The following CFAP97D1 variants were observed in gnomAD, a reference collection of about 807,000 sequenced individuals.
The protein encoded by CFAP97D1 is CFAP97 domain containing 1.
A neutral mutation model predicts 20.5 loss-of-function variants in CFAP97D1; 15 were observed. The ratio of observed to expected loss-of-function variants is 0.73; its 90% CI spans 0.49 to 1.13. CFAP97D1 has a LOEUF of 1.13. Ranked by LOEUF, CFAP97D1 falls within the 50% of genes most tolerant of loss-of-function variation. The pLI, the probability that CFAP97D1 is intolerant of heterozygous loss-of-function variation, is 0.00. For missense variants in CFAP97D1, 168 were observed against 202.9 expected (o/e 0.83, Z 1.04); for synonymous variants, 58 against 71.2 (o/e 0.82, Z 0.93).
At chr17:43,783,354 G>A in intron 4 of CFAP97D1, 51 bp downstream of exon 4, 1 of 1,548,786 alleles carries the variant, frequency 6.5e-7, no homozygotes, top group Non-Finnish European at 8.7e-7. Flanking sequence ...GTTTGTCGGT[G>A]TTCAGCCTAG....
Position 43,786,304 on chromosome 17 carries a change from T to A in CFAP97D1, c.*1922T>A, listed in dbSNP as rs769930241. On this transcript the variant is annotated 3_prime_UTR_variant, in exon 6 of 6. Coordinates refer to ENST00000449302, the MANE Select transcript of CFAP97D1 (RefSeq NM_001136483.3). ...CACTCACAGACACACCCAAAAATAA[T>A]GCTTTACCAGGTTTCTATTCAGTCA... is the stretch of plus-strand genomic sequence containing the variant. The A allele has an allele frequency of 6.6e-6, 1 of 152,210 alleles. No homozygotes were observed. The allele number at this position is 152,210 out of a possible 1,614,324, so 9.4% of individuals were successfully genotyped here.
Position 43,784,452 on chromosome 17 carries a change from TC to T in CFAP97D1, c.*73del. 2 of 152,372 alleles carry T rather than the reference TC, an allele frequency of 1.3e-5. No individual in the cohort carries two copies. The highest frequency in any genetic ancestry group is 4.1e-4 in the South Asian group (2 of 4,828). 9.4% of individuals were successfully genotyped at this position (152,372 alleles called of 1,614,324 possible). Reference sequence around the variant, plus strand: ...TTGGCTGCTCAGGATCTCAAGACACTCCCGACTGGCTGAATGCTCCATCTTC... The same window carrying T: ...TTGGCTGCTCAGGATCTCAAGACACTCCGACTGGCTGAATGCTCCATCTTC... On this transcript the variant is annotated 3_prime_UTR_variant, in exon 6 of 6. Coordinates refer to ENST00000449302, the MANE Select transcript of CFAP97D1 (RefSeq NM_001136483.3).
intron 3 of CFAP97D1, chr17:43,782,977 T>C: frequency 1.7e-6 from 1 of 594,934 alleles, no homozygotes; most frequent in South Asian, 2.0e-5. Context: ...TGAGGACCAC[T>C]GATATAAACC....
rs189051336 is a variant in CFAP97D1 at position 43,787,456 on chromosome 17, C to T, written c.*3074C>T. On this transcript the variant is annotated 3_prime_UTR_variant, in exon 6 of 6. Coordinates refer to ENST00000449302, the MANE Select transcript of CFAP97D1 (RefSeq NM_001136483.3). ...TATCAATGATGAAACTGTTCTATAT[C>T]TTGACTCTATCAATGTCAATATCCT... 6.6e-6 allele frequency: 1 copy of T among 152,186 alleles called. No individual in the cohort carries two copies. The highest frequency in any genetic ancestry group is 2.4e-5 in the African/African-American group (1 of 41,508). The allele number at this position is 152,186 out of a possible 1,614,324, so 9.4% of individuals were successfully genotyped here.
rs112634663 is a variant in CFAP97D1 at position 43,785,002 on chromosome 17, G to GGAGAGAGAGA, written c.*634_*643dup. 3.4e-5 allele frequency: 5 copies of GGAGAGAGAGA among 146,528 alleles called. No homozygotes were observed. Among genetic ancestry groups the GGAGAGAGAGA allele is most frequent in the Non-Finnish European group, 7.5e-5 (5 of 66,458 alleles). The allele number at this position is 146,528 out of a possible 1,614,324, so 9.1% of individuals were successfully genotyped here. On this transcript the variant is annotated 3_prime_UTR_variant, in exon 6 of 6. Coordinates refer to ENST00000449302, the MANE Select transcript of CFAP97D1 (RefSeq NM_001136483.3). ...ATTTGCCAAAGAGACAGACTCAATA[G>GGAGAGAGAGA]GAGAGAGAGAGAGAGAGAGAGAGTG... is the stretch of plus-strand genomic sequence containing the variant.
intron 3 of CFAP97D1, 103 bp from the exon 4 acceptor site, chr17:43,783,077 G>A: frequency 1.4e-6 from 2 of 1,434,996 alleles, no homozygotes; most frequent in Non-Finnish European, 1.9e-6. Context: ...TTTACTCCCT[G>A]CACTTAGACA....
At chr17:43,783,814 T>A (rs1490373973) in intron 4 of CFAP97D1, 23 bp from the exon 5 acceptor site, 1 of 1,542,390 alleles carries the variant, frequency 6.5e-7, no homozygotes, top group Admixed American at 2.0e-5. Flanking sequence ...GGCATTGACA[T>A]AAACCAATTT....
intron 3 of CFAP97D1, 154 bp from the exon 4 acceptor site, chr17:43,783,026 C>T (rs1486083382): frequency 9.4e-6 from 8 of 852,088 alleles, no homozygotes; most frequent in Non-Finnish European, 1.5e-5. Context: ...GCAGTGCAGA[C>T]CAACAGGCTG....
At chr17:43,781,956 G>T in intron 3 of CFAP97D1, 64 bp downstream of exon 3, 2 of 1,137,734 alleles carry the variant, frequency 1.8e-6, no homozygotes, top group East Asian at 5.1e-5. Flanking sequence ...TTGGGTTTTA[G>T]TGTGAGGTTT....
chr17:43,783,272 A>G lies in CFAP97D1; in HGVS notation c.407A>G (p.Tyr136Cys), dbSNP rs1327208174. The G allele has an allele frequency of 6.4e-7, 1 of 1,551,350 alleles. No homozygotes were observed. Among genetic ancestry groups the G allele is most frequent in the East Asian group, 2.4e-5 (1 of 40,916 alleles). Reference protein sequence around the residue: ...LKRLVDRKPHYDRRASEIDWQ... With the variant: ...LKRLVDRKPHCDRRASEIDWQ... The stretch of plus-strand genomic sequence containing the variant: ...AGGCTTGTTGATCGCAAACCCCACT[A>G]TGACCGCAGGGCATCTGAGATAGAC... The change falls in exon 4 of 6, where the codon TAT becomes TGT. Residue 136 changes from tyrosine (Y) to cysteine (C), a missense_variant. Tyr to Cys is a radical substitution (Grantham distance 194). Transcript: ENST00000449302.
At chr17:43,781,625 G>T (rs904592553) in intron 2 of CFAP97D1, 149 bp from the exon 3 acceptor site, 2 of 639,604 alleles carry the variant, frequency 3.1e-6, no homozygotes, top group Non-Finnish European at 5.5e-6. Context: ...GTGCCCGGCC[G>T]CCCAGTCTTT....
chr17:43,786,841 C>T lies in CFAP97D1; in HGVS notation c.*2459C>T, dbSNP rs2044295608. ...TCAGGATAATTTCCTTGATGTTCAT[C>T]CAAGTTGTGTGTGCCTTTTTATTGC... On this transcript the variant is annotated 3_prime_UTR_variant, in exon 6 of 6. Coordinates refer to ENST00000449302, the MANE Select transcript of CFAP97D1 (RefSeq NM_001136483.3). The T allele has an allele frequency of 6.6e-6, 1 of 152,156 alleles. No individual in the cohort carries two copies. Among genetic ancestry groups the T allele is most frequent in the African/African-American group, 2.4e-5 (1 of 41,414 alleles). The allele number at this position is 152,156 out of a possible 1,614,324, so 9.4% of individuals were successfully genotyped here.
At chr17:43,783,053 G>A in intron 3 of CFAP97D1, 127 bp from the exon 4 acceptor site, 1 of 1,184,768 alleles carries the variant, frequency 8.4e-7, no homozygotes, top group Non-Finnish European at 1.2e-6. Context: ...GGGCCTGTGG[G>A]CTCAGCAGGA....
rs950476467 is a variant in CFAP97D1 at position 43,785,124 on chromosome 17, A to C, written c.*742A>C. On this transcript the variant is annotated 3_prime_UTR_variant, in exon 6 of 6. Transcript: ENST00000449302. ...GCTCACAAGATCATGGAAGCTAAAG[A>C]AGTCCCACCACAGGCCATCTGCAAG... The C allele has an allele frequency of 7.9e-5, 12 of 152,498 alleles. No individual in the cohort carries two copies. Among genetic ancestry groups the C allele is most frequent in the African/African-American group, 2.9e-4 (12 of 41,462 alleles). 9.4% of individuals were successfully genotyped at this position (152,498 alleles called of 1,614,324 possible).
chr17:43,781,300 A>T, intron 2 of CFAP97D1, 111 bp downstream of exon 2: 1 of 875,104 alleles, frequency 1.1e-6, no homozygotes, highest in South Asian at 1.5e-5. Context: ...CTACTCAAAG[A>T]TTTGTTAATA....
intron 3 of CFAP97D1, among the ~76,000 whole-genome samples, chr17:43,782,276 G>C (rs1432909084): frequency 6.6e-6 from 1 of 152,200 alleles, no homozygotes; most frequent in Non-Finnish European, 1.5e-5. Flanking sequence ...CAAGGTGCCA[G>C]TAAATTCGGC....
rs2044283504 is a variant in CFAP97D1 at position 43,785,051 on chromosome 17, G to GAC, written c.*670_*671insCA. 6.6e-6 allele frequency: 1 copy of GAC among 151,832 alleles called. No individual in the cohort carries two copies. The allele number at this position is 151,832 out of a possible 1,614,324, so 9.4% of individuals were successfully genotyped here. A position where few individuals can be genotyped will look rare whatever the true frequency, so the allele number is the denominator to read the frequency against. The stretch of plus-strand genomic sequence containing the variant: ...TGAGAGAGATAGATAGAGAGTGAGA[G>GAC]AGAGAGAGAAAGAGAGAGAGAGAGG... On this transcript the variant is annotated 3_prime_UTR_variant, in exon 6 of 6. Coordinates refer to ENST00000449302, the MANE Select transcript of CFAP97D1 (RefSeq NM_001136483.3).
In CFAP97D1 at chr17:43,785,915, A is replaced by T. The variant is rs1482831936; in HGVS notation, c.*1533A>T. ...TCCTGTGTCCAAGCCCCGCCTCTGG[A>T]GTCAAGGCCTGCCTCCCACCTCACT... On this transcript the variant is annotated 3_prime_UTR_variant, in exon 6 of 6. Transcript: ENST00000449302. 2 of 152,020 alleles carry T rather than the reference A, an allele frequency of 1.3e-5. No homozygotes were observed. Among genetic ancestry groups the T allele is most frequent in the Non-Finnish European group, 2.9e-5 (2 of 68,034 alleles). The allele number at this position is 152,020 out of a possible 1,614,324, so 9.4% of individuals were successfully genotyped here.
chr17:43,783,088 G>A, intron 3 of CFAP97D1, 92 bp from the exon 4 acceptor site: 1 of 1,492,116 alleles, frequency 6.7e-7, no homozygotes, highest in Non-Finnish European at 9.1e-7. Context: ...CACTTAGACA[G>A]TCTGGCATTT....
Sources: allele counts gnomAD v4.1 joint callset (sites outside exome capture counted in the v4.1 genomes callset), GRCh38; gene constraint gnomAD v4.1.1; transcripts MANE v1.5; gene names NCBI Gene and HGNC (gene_info 2026-07-23, HGNC 2026-07-21).